The following HERC1 variants were observed in gnomAD, a reference collection of about 807,000 sequenced individuals.
HERC1 encodes probable E3 ubiquitin-protein ligase HERC1.
Under a neutral mutation model 554.3 loss-of-function variants are expected in HERC1, and 160 were observed. That is an observed-to-expected ratio of 0.29 (90% CI 0.25 to 0.33). The LOEUF is 0.33. Among genes scored for constraint, HERC1 ranks in the 10% least tolerant of loss-of-function variants. HERC1 has a pLI of 1.00. For missense variants in HERC1, 4,919 were observed against 5,918.5 expected (o/e 0.83, Z 5.54); for synonymous variants, 2,175 against 2,131.7 (o/e 1.02, Z -0.56).
chr15:63,686,249 C>T, intron 34 of HERC1, 110 bp downstream of exon 34: 3 of 748,586 alleles, frequency 4.0e-6, no homozygotes, highest in South Asian at 2.0e-5. Context: ...AATAATAGAA[C>T]ATTTACATAT....
Position 63,658,718 on chromosome 15 carries a change from C to T in HERC1, c.9425G>A (p.Gly3142Asp), listed in dbSNP as rs763795630. Residue 3142 changes from glycine (G) to aspartate (D), a missense_variant and splice_region_variant, in exon 48 of 78, where the codon GGT becomes GAT. This residue lies in a region of HERC1 where 1,963 missense variants were observed against 2,228.6 expected (regional missense o/e 0.88). Transcript: ENST00000443617. ...GCTCTTTTCTACGGAGCCATGGCAA[C>T]CTGAAAAACATAATTCTGTTTTGTT... ...NSMEETLMQIGCHGSVEKSSS... is the reference protein window; with the variant it reads ...NSMEETLMQIDCHGSVEKSSS... 4 of 1,606,132 alleles carry T rather than the reference C, an allele frequency of 2.5e-6. No homozygotes were observed. Among genetic ancestry groups the T allele is most frequent in the South Asian group, 1.1e-5 (1 of 90,118 alleles).
intron 2 of HERC1, among the ~76,000 whole-genome samples, chr15:63,766,635 A>T (rs1003040890): frequency 1.3e-5 from 2 of 152,228 alleles, no homozygotes; most frequent in African/African-American, 2.4e-5. Context: ...GCTTACTTAG[A>T]ATTTTTTAAG....
chr15:63,773,296 T>C (rs1247860441), intron 2 of HERC1, among the ~76,000 whole-genome samples: 1 of 151,618 alleles, frequency 6.6e-6, no homozygotes, highest in Non-Finnish European at 1.5e-5. Context: ...GTACAAAAAT[T>C]AGCCGGGCAT....
At position 63,758,112 on chromosome 15, in the gene HERC1, T is replaced by C; in HGVS notation, c.1221+63A>G. ...TTAAAAAATACTCAGTATTATTTAA[T>C]GCAAATAAGCATGAATATACACCAG... is the stretch of plus-strand genomic sequence containing the variant. On this transcript the variant is annotated intron_variant, in intron 4 of 77. Coordinates refer to ENST00000443617, the MANE Select transcript of HERC1 (RefSeq NM_003922.4). The surrounding 1 kb of genome is among the most constrained non-coding windows in gnomAD (Gnocchi z 4.0). The C allele has an allele frequency of 5.1e-6, 6 of 1,172,098 alleles. No homozygotes were observed. The highest frequency in any genetic ancestry group is 1.5e-5 in the African/African-American group (1 of 65,812). The allele number at this position is 1,172,098 out of a possible 1,614,324, so 72.6% of individuals were successfully genotyped here.
At chr15:63,647,971 A>G in intron 55 of HERC1, 98 bp downstream of exon 55, 1 of 923,394 alleles carries the variant, frequency 1.1e-6, no homozygotes, top group Non-Finnish European at 1.7e-6. Flanking sequence ...TGGGTGATGG[A>G]TATCTTAAAA....
chr15:63,825,197 T>C (rs1418889635), intron 1 of HERC1, among the ~76,000 whole-genome samples: 1 of 152,008 alleles, frequency 6.6e-6, no homozygotes, highest in Non-Finnish European at 1.5e-5. Flanking sequence ...GCTACTCCAA[T>C]GGCTAAGGCA....
chr15:63,833,545 C>A lies in HERC1; in HGVS notation c.-27+282G>T, dbSNP rs181049979. 5.7e-3 allele frequency among the ~76,000 whole-genome samples: 863 copies of A among 152,074 alleles called. 12 individuals carry two copies. The highest frequency in any genetic ancestry group is 0.02 in the African/African-American group (824 of 41,516). On this transcript the variant is annotated intron_variant, in intron 1 of 77. Coordinates refer to ENST00000443617, the MANE Select transcript of HERC1 (RefSeq NM_003922.4). ...GGAGGGGCGGGTCTCTCGGCCCTCTCCGCGGGCGCCTCGGCTTCTACGCTG... is the reference window on the plus strand; with the variant it reads ...GGAGGGGCGGGTCTCTCGGCCCTCTACGCGGGCGCCTCGGCTTCTACGCTG...
chr15:63,651,319 A>T lies in HERC1; in HGVS notation c.10480T>A (p.Trp3494Arg). ...PSDPSFSPVS[W>R]SISGKYLAGA... ...GCTAGATATTTGCCACTGATACTCC[A>T]GGAAACTGGTGAGAAACTTGGATCA... Residue 3494 changes from tryptophan to arginine, a missense_variant, in exon 53 of 78, where the codon TGG (tryptophan) becomes AGG (arginine). Physicochemically the swap from Trp to Arg is moderately radical, Grantham distance 101. Around this residue, in one of 11 missense-constraint regions of HERC1, gnomAD observed 1,963 missense variants for 2,228.6 expected, o/e 0.88. Transcript: ENST00000443617. The T allele has an allele frequency of 6.2e-7, 1 of 1,613,850 alleles. No individual in the cohort carries two copies. Among genetic ancestry groups the T allele is most frequent in the Non-Finnish European group, 8.5e-7 (1 of 1,179,734 alleles).
chr15:63,800,348 A>G (rs1331137506), intron 1 of HERC1, among the ~76,000 whole-genome samples: 2 of 152,194 alleles, frequency 1.3e-5, no homozygotes, highest in East Asian at 3.8e-4. Context: ...TCTCTCTTCT[A>G]TAGACGCCTG....
In HERC1 at chr15:63,632,762, G is replaced by A; in HGVS notation, c.12743C>T (p.Thr4248Ile). Reference protein sequence around the residue: ...GIGIKKVACGTQFSVALTKDG... With the variant: ...GIGIKKVACGIQFSVALTKDG... ...TTTGGTCAAAGCAACAGAAAACTGA[G>A]TTCCACAAGCAACCTTTTTTATTCC... The change falls in exon 68 of 78, where the codon ACT becomes ATT. Residue 4248 changes from threonine to isoleucine, a missense_variant. This residue lies in a region of HERC1 where 410 missense variants were observed against 467.0 expected (regional missense o/e 0.88). Transcript: ENST00000443617. The A allele has an allele frequency of 3.8e-6, 6 of 1,570,222 alleles. No homozygotes were observed. The highest frequency in any genetic ancestry group is 5.2e-6 in the Non-Finnish European group (6 of 1,156,026).
At chr15:63,670,528 A>G (rs912423232) in intron 39 of HERC1, among the ~76,000 whole-genome samples, 6 of 152,204 alleles carry the variant, frequency 3.9e-5, no homozygotes, top group Admixed American at 6.5e-5. Context: ...GCCCAGTAAG[A>G]GCCAAGTGCA....
intron 64 of HERC1, 21 bp from the exon 65 acceptor site, chr15:63,636,163 A>C: frequency 6.2e-7 from 1 of 1,604,116 alleles, no homozygotes; most frequent in Non-Finnish European, 8.5e-7. Context: ...ACAGAAACCC[A>C]ACAGGAGTCA....
At chr15:63,615,695 G>T in intron 76 of HERC1, 73 bp downstream of exon 76, 1 of 1,226,650 alleles carries the variant, frequency 8.2e-7, no homozygotes. Flanking sequence ...GCAGATTTTG[G>T]CATACCCAGT....
chr15:63,664,663 G>GCT, intron 42 of HERC1, 69 bp from the exon 43 acceptor site: 1 of 1,408,086 alleles, frequency 7.1e-7, no homozygotes, highest in Non-Finnish European at 9.8e-7. Context: ...ATAGGTGTAA[G>GCT]CTTACTTGTA....
At chr15:63,634,327 C>T (rs1190817174) in intron 66 of HERC1, among the ~76,000 whole-genome samples, 1 of 152,186 alleles carries the variant, frequency 6.6e-6, no homozygotes, top group African/African-American at 2.4e-5. Context: ...AAAGGACACT[C>T]TTGATGTATA....
chr15:63,638,833 T>G, intron 61 of HERC1, 57 bp from the exon 62 acceptor site: 2 of 1,226,434 alleles, frequency 1.6e-6, no homozygotes, highest in South Asian at 2.4e-5. Context: ...GCACCTGCTC[T>G]TAACCACAAA....
At chr15:63,641,730 G>A in intron 59 of HERC1, 87 bp from the exon 60 acceptor site, 1 of 1,110,434 alleles carries the variant, frequency 9.0e-7, no homozygotes, top group Non-Finnish European at 1.2e-6. Context: ...ATTCCTTCTA[G>A]TAACTGGGAC....
At chr15:63,651,467 T>C (rs1473494194) in intron 52 of HERC1, 87 bp from the exon 53 acceptor site, 13 of 1,273,896 alleles carry the variant, frequency 1.0e-5, no homozygotes, top group South Asian at 2.8e-5. Flanking sequence ...GGGTTTCATA[T>C]AGACTAGAGT....
At chr15:63,617,191 T>C (rs1240103720) in intron 74 of HERC1, among the ~76,000 whole-genome samples, 2 of 152,150 alleles carry the variant, frequency 1.3e-5, no homozygotes, top group Non-Finnish European at 2.9e-5. Flanking sequence ...CCCCAGTGTG[T>C]GATGTTCCCC....
Sources: allele counts gnomAD v4.1 joint callset (sites outside exome capture counted in the v4.1 genomes callset), GRCh38; gene constraint gnomAD v4.1.1; regional missense constraint gnomAD v4.1.1; non-coding constraint Gnocchi (gnomAD v3.1); transcripts MANE v1.5; gene names NCBI Gene and HGNC (gene_info 2026-07-23, HGNC 2026-07-21).